Variants in GFPT1 observed in about 807,000 individuals in gnomAD.
GFPT1 encodes the protein glutamine--fructose-6-phosphate aminotransferase [isomerizing] 1.
In GFPT1, 40 loss-of-function variants were observed where a neutral mutation model predicts 92.0. The ratio of observed to expected loss-of-function variants is 0.43; its 90% CI spans 0.34 to 0.57. The LOEUF (loss-of-function observed/expected upper bound fraction) is 0.57, where lower values mean the gene tolerates loss of function less well. GFPT1 is among the 20% of genes least tolerant of loss of function. The pLI, the probability that GFPT1 is intolerant of heterozygous loss-of-function variation, is 0.02. For synonymous variants in GFPT1, 269 were observed against 280.6 expected (o/e 0.96, Z 0.41); for missense variants, 448 against 869.1 (o/e 0.52, Z 6.09).
rs745857374 is a variant in GFPT1 at position 69,359,237 on chromosome 2, G to T, written c.408+31C>A. The T allele has an allele frequency of 4.1e-6, 5 of 1,209,350 alleles. No homozygotes were observed. In the East Asian group the frequency reaches 7.0e-5, roughly 17 times the overall value. 74.9% of individuals were successfully genotyped at this position (1,209,350 alleles called of 1,614,324 possible). A position where few individuals can be genotyped will look rare whatever the true frequency, so the allele number is the denominator to read the frequency against. On this transcript the variant is annotated intron_variant, in intron 5 of 19. Coordinates refer to ENST00000357308, the MANE Select transcript of GFPT1 (RefSeq NM_001244710.2). Reference sequence around the variant, plus strand: ...TGCTCTCGTTAGAAGTATTCTCAAAGACTGGGGTCTTTTGAGGTCACCTTA... The same window carrying T: ...TGCTCTCGTTAGAAGTATTCTCAAATACTGGGGTCTTTTGAGGTCACCTTA...
At chr2:69,351,906 T>C (rs1376121276) in intron 9 of GFPT1, among the ~76,000 whole-genome samples, 6 of 152,226 alleles carry the variant, frequency 3.9e-5, no homozygotes, top group East Asian at 1.9e-4. Context: ...GTGGTACTTA[T>C]GCAATTTCGC....
chr2:69,383,751 G>A (rs965411231), intron 1 of GFPT1, among the ~76,000 whole-genome samples: 3 of 151,966 alleles, frequency 2.0e-5, no homozygotes, highest in East Asian at 1.9e-4. Context: ...TCGGGCTTCC[G>A]AGTAACTAGG....
At chr2:69,373,137 G>A (rs1028294882) in intron 2 of GFPT1, among the ~76,000 whole-genome samples, 1 of 152,168 alleles carries the variant, frequency 6.6e-6, no homozygotes, top group African/African-American at 2.4e-5. Context: ...TCCCTTTGCT[G>A]ATTGTGCTTT....
At chr2:69,378,027 T>C (rs1671920053) in intron 1 of GFPT1, among the ~76,000 whole-genome samples, 1 of 152,272 alleles carries the variant, frequency 6.6e-6, no homozygotes, top group Non-Finnish European at 1.5e-5. Flanking sequence ...TTGTTTTTTG[T>C]TTTTTTGAAA....
At chr2:69,350,318 G>A (rs553329052) in intron 9 of GFPT1, 135 bp from the exon 10 acceptor site, 2 of 675,418 alleles carry the variant, frequency 3.0e-6, no homozygotes, top group African/African-American at 1.8e-5. Context: ...AAAAAGCCAA[G>A]TAGATCACCT....
intron 10 of GFPT1, among the ~76,000 whole-genome samples, chr2:69,348,542 T>C (rs139005401): frequency 4.6e-5 from 7 of 152,336 alleles, no homozygotes; most frequent in Admixed American, 3.3e-4. Flanking sequence ...GAACTCTGCA[T>C]AGCAATCTAA....
Position 69,324,184 on chromosome 2 carries a change from C to T in GFPT1, c.*2005G>A, listed in dbSNP as rs1435105219. ...TTTTGATATTCAGTTTAGAACTTAC[C>T]CTAGCTTTCAGTATATTTGTGTGTG... On this transcript the variant is annotated 3_prime_UTR_variant, in exon 20 of 20. Transcript: ENST00000357308. 1 of 152,010 alleles carries T rather than the reference C, an allele frequency of 6.6e-6. No homozygotes were observed. The highest frequency in any genetic ancestry group is 1.5e-5 in the Non-Finnish European group (1 of 68,020). The allele number at this position is 152,010 out of a possible 1,614,324, so 9.4% of individuals were successfully genotyped here.
chr2:69,366,900 C>T (rs920713166), intron 3 of GFPT1, among the ~76,000 whole-genome samples: 1 of 152,160 alleles, frequency 6.6e-6, no homozygotes, highest in Non-Finnish European at 1.5e-5. Context: ...CAGATGTCAT[C>T]TTCCCTTTTC....
intron 9 of GFPT1, among the ~76,000 whole-genome samples, chr2:69,351,907 G>A (rs1671215397): frequency 6.6e-6 from 1 of 152,192 alleles, no homozygotes; most frequent in South Asian, 2.1e-4. Flanking sequence ...TGGTACTTAT[G>A]CAATTTCGCA....
At position 69,322,858 on chromosome 2, in the gene GFPT1, T is replaced by C. The variant is rs577162149; in HGVS notation, c.*3331A>G. On this transcript the variant is annotated 3_prime_UTR_variant, in exon 20 of 20. Coordinates refer to ENST00000357308, the MANE Select transcript of GFPT1 (RefSeq NM_001244710.2). ...CCCCAAACATGGACCATTATTCAAGTAGACAAAATCACTCACTGACAGCAC... is the reference window on the plus strand; with the variant it reads ...CCCCAAACATGGACCATTATTCAAGCAGACAAAATCACTCACTGACAGCAC... 4 of 152,334 alleles carry C rather than the reference T, an allele frequency of 2.6e-5. No homozygotes were observed. The highest frequency in any genetic ancestry group is 9.6e-5 in the African/African-American group (4 of 41,588). The allele number at this position is 152,334 out of a possible 1,614,324, so 9.4% of individuals were successfully genotyped here. A position where few individuals can be genotyped will look rare whatever the true frequency, so the allele number is the denominator to read the frequency against.
chr2:69,384,706 A>G (rs1401178393), intron 1 of GFPT1, among the ~76,000 whole-genome samples: 2 of 150,974 alleles, frequency 1.3e-5, no homozygotes, highest in Non-Finnish European at 3.0e-5. Flanking sequence ...AAAAAAAAAA[A>G]AAAAAAGAAA....
intron 4 of GFPT1, among the ~76,000 whole-genome samples, chr2:69,360,341 A>C (rs893544134): frequency 6.6e-6 from 1 of 151,932 alleles, no homozygotes; most frequent in East Asian, 1.9e-4. Context: ...AAAAAAAAAA[A>C]AAAAAAAAAA....
At chr2:69,355,086 G>T (rs1671304744) in intron 7 of GFPT1, among the ~76,000 whole-genome samples, 1 of 147,384 alleles carries the variant, frequency 6.8e-6, no homozygotes, top group South Asian at 2.1e-4. Context: ...TTGTTTATTT[G>T]TTTGTTTTTT....
chr2:69,385,088 T>C (rs1672102097), intron 1 of GFPT1, among the ~76,000 whole-genome samples: 1 of 152,228 alleles, frequency 6.6e-6, no homozygotes, highest in Non-Finnish European at 1.5e-5. Context: ...TTTTATTTCT[T>C]CAATACCTGT....
At chr2:69,347,060 C>T (rs114202880) in intron 11 of GFPT1, among the ~76,000 whole-genome samples, 1,732 of 152,148 alleles carry the variant, frequency 0.011, 30 homozygotes, top group African/African-American at 0.039. Flanking sequence ...CAGGTACATG[C>T]CACCATGCCC....
intron 15 of GFPT1, among the ~76,000 whole-genome samples, chr2:69,337,613 C>A (rs541051510): frequency 6.6e-6 from 1 of 152,190 alleles, no homozygotes; most frequent in East Asian, 1.9e-4. Context: ...ACAAGGATAG[C>A]CAGCAGAGAC....
At chr2:69,364,994 C>CA (rs58848043) in intron 3 of GFPT1, among the ~76,000 whole-genome samples, 28,380 of 44,064 alleles carry the variant, frequency 0.64, 11,000 homozygotes, top group Non-Finnish European at 0.74. Context: ...GACTCCCTCT[C>CA]AAAAAAAAAA....
In GFPT1 at chr2:69,354,240, T is replaced by G. The variant is rs1335194019; in HGVS notation, c.739+19A>C. On this transcript the variant is annotated intron_variant, in intron 9 of 19. Coordinates refer to ENST00000357308, the MANE Select transcript of GFPT1 (RefSeq NM_001244710.2). ...AAGAGGATAAGATCCTCCCCATCCA[T>G]GCAGAGTGCATTTCCCACCTCTTTC... is the stretch of plus-strand genomic sequence containing the variant. 2.6e-6 allele frequency: 4 copies of G among 1,542,194 alleles called. 1 individual carries two copies. The Admixed American group carries it at 5.2e-5, about 20-fold the overall frequency.
chr2:69,343,746 T>C (rs1305656618), intron 12 of GFPT1, among the ~76,000 whole-genome samples: 1 of 152,198 alleles, frequency 6.6e-6, no homozygotes, highest in Non-Finnish European at 1.5e-5. Context: ...TTAGTTATAC[T>C]ATAAAACCAA....
Sources: allele counts gnomAD v4.1 joint callset (sites outside exome capture counted in the v4.1 genomes callset), GRCh38; gene constraint gnomAD v4.1.1; transcripts MANE v1.5; gene names NCBI Gene and HGNC (gene_info 2026-07-23, HGNC 2026-07-21).